The following QTMAN variants were observed in gnomAD, a reference collection of about 807,000 sequenced individuals.
QTMAN encodes the protein queuosine-tRNA mannosyltransferase.
the QTMAN span, among the ~76,000 whole-genome samples, chr2:144,162,181 G>A: frequency 6.6e-6 from 1 of 152,106 alleles, no homozygotes; most frequent in Non-Finnish European, 1.5e-5. Context: ...TTGCCTTCAG[G>A]AGAAACCATG....
chr2:144,268,858 C>T, the QTMAN span, among the ~76,000 whole-genome samples: 16 of 152,190 alleles, frequency 1.1e-4, no homozygotes, highest in South Asian at 2.9e-3. Context: ...GGCACGATCT[C>T]GGCTCACTGC....
the QTMAN span, among the ~76,000 whole-genome samples, chr2:144,218,648 G>A: frequency 2.6e-5 from 4 of 152,174 alleles, no homozygotes; most frequent in African/African-American, 9.7e-5. Flanking sequence ...AAAAGTTATT[G>A]AGAAGTTTCC....
the QTMAN span, among the ~76,000 whole-genome samples, chr2:144,080,241 T>C: frequency 6.6e-6 from 1 of 152,102 alleles, no homozygotes. Flanking sequence ...ACAAGCAAAA[T>C]GTCTCTATAT....
the QTMAN span, among the ~76,000 whole-genome samples, chr2:144,263,565 T>C: frequency 6.6e-6 from 1 of 152,160 alleles, no homozygotes; most frequent in Admixed American, 6.5e-5. Context: ...CTACTAAAAA[T>C]ACAAAAATTA....
the QTMAN span, among the ~76,000 whole-genome samples, chr2:144,318,851 A>AG: frequency 6.6e-6 from 1 of 152,182 alleles, no homozygotes; most frequent in East Asian, 1.9e-4. Flanking sequence ...AGATTCACTG[A>AG]GGGAAAAAAA....
the QTMAN span, among the ~76,000 whole-genome samples, chr2:144,217,339 A>C: frequency 6.6e-6 from 1 of 152,166 alleles, no homozygotes; most frequent in East Asian, 1.9e-4. Flanking sequence ...ACTTCACTGC[A>C]GGCACAGGAT....
At chr2:144,292,065 T>C in the QTMAN span, among the ~76,000 whole-genome samples, 1 of 152,212 alleles carries the variant, frequency 6.6e-6, no homozygotes, top group African/African-American at 2.4e-5. Flanking sequence ...AGTGTTAGTT[T>C]TTCTCCAAAA....
At chr2:144,069,472 A>T in the QTMAN span, among the ~76,000 whole-genome samples, 2 of 152,192 alleles carry the variant, frequency 1.3e-5, no homozygotes, top group Middle Eastern at 3.4e-3. Flanking sequence ...CAGTCACATT[A>T]TGTCATATCC....
At chr2:144,146,814 T>A in the QTMAN span, among the ~76,000 whole-genome samples, 93 of 151,972 alleles carry the variant, frequency 6.1e-4, no homozygotes, top group African/African-American at 2.2e-3. Flanking sequence ...ATGGCTTTAA[T>A]TCCCTTTCTA....
At chr2:144,107,126 T>C in the QTMAN span, among the ~76,000 whole-genome samples, 4 of 152,212 alleles carry the variant, frequency 2.6e-5, no homozygotes, top group African/African-American at 4.8e-5. Flanking sequence ...GGGAAACTTA[T>C]AGCACTAAAT....
At chr2:144,114,539 T>A in the QTMAN span, among the ~76,000 whole-genome samples, 4 of 152,210 alleles carry the variant, frequency 2.6e-5, no homozygotes, top group East Asian at 7.7e-4. Context: ...CACTTCACTT[T>A]CAATGCCCTT....
chr2:144,257,227 G>A, the QTMAN span, among the ~76,000 whole-genome samples: 1 of 151,902 alleles, frequency 6.6e-6, no homozygotes, highest in Non-Finnish European at 1.5e-5. Context: ...AAATAATCCT[G>A]AGAGCCTATC....
the QTMAN span, among the ~76,000 whole-genome samples, chr2:144,180,768 C>T: frequency 1.3e-5 from 2 of 152,032 alleles, no homozygotes; most frequent in South Asian, 4.1e-4. Context: ...ATTGGTTTTC[C>T]TAGTTAAAGT....
the QTMAN span, among the ~76,000 whole-genome samples, chr2:144,019,402 G>A: frequency 6.6e-6 from 1 of 151,786 alleles, no homozygotes; most frequent in Non-Finnish European, 1.5e-5. Flanking sequence ...GTTGAGCAGA[G>A]AGGGGGAGGC....
chr2:144,156,080 T>C, the QTMAN span, among the ~76,000 whole-genome samples: 3 of 152,110 alleles, frequency 2.0e-5, no homozygotes, highest in Non-Finnish European at 4.4e-5. Flanking sequence ...TGCTTATGAG[T>C]ATTTGCTTCA....
At chr2:143,944,602 C>G in the QTMAN span, 1 of 152,366 alleles carries the variant, frequency 6.6e-6, no homozygotes, top group Admixed American at 6.5e-5. Context: ...GCCACCATGC[C>G]TGGCTAATTT....
At chr2:144,107,322 GT>G in the QTMAN span, among the ~76,000 whole-genome samples, 4 of 152,110 alleles carry the variant, frequency 2.6e-5, no homozygotes, top group South Asian at 2.1e-4. Context: ...GCAGGAGATG[GT>G]TTTTTGAAAA....
the QTMAN span, among the ~76,000 whole-genome samples, chr2:144,133,924 T>A: frequency 2.6e-5 from 4 of 152,068 alleles, no homozygotes; most frequent in Non-Finnish European, 4.4e-5. Flanking sequence ...AGTGCCCATT[T>A]CATTATTTCA....
At chr2:144,093,389 C>T in the QTMAN span, among the ~76,000 whole-genome samples, 1 of 151,996 alleles carries the variant, frequency 6.6e-6, no homozygotes, top group Admixed American at 6.5e-5. Flanking sequence ...AGGTGTATAC[C>T]CCATGAAGGG....
Sources: gnomAD v4.1 joint callset for allele counts (sites outside exome capture counted in the v4.1 genomes callset) on GRCh38, gnomAD v4.1.1 for gene constraint, MANE v1.5 for transcripts, NCBI Gene and HGNC (gene_info 2026-07-23, HGNC 2026-07-21) for gene names.